Variants in RBPJ observed in about 807,000 individuals in gnomAD.
The protein encoded by RBPJ is recombination signal binding protein for immunoglobulin kappa J region.
In RBPJ, 9 loss-of-function variants were observed where a neutral mutation model predicts 67.8. The observed-to-expected ratio is 0.13, with a 90% confidence interval of 0.08 to 0.23. The LOEUF (loss-of-function observed/expected upper bound fraction) is 0.23. RBPJ is among the 10% of genes least tolerant of loss of function. The pLI, the probability that RBPJ is intolerant of heterozygous loss-of-function variation, is 1.00. For synonymous variants in RBPJ, 198 were observed against 203.3 expected, an observed-to-expected ratio of 0.97 and a Z score of 0.22; for missense variants, 305 against 595.6, an observed-to-expected ratio of 0.51 and a Z score of 5.08.
Position 26,190,522 on chromosome 4 carries a change from T to C in RBPJ, c.-167+26908T>C, listed in dbSNP as rs1717442249. Among the ~76,000 whole-genome samples, 4 of 152,098 alleles carry C rather than the reference T, an allele frequency of 2.6e-5. No homozygotes were observed. In the South Asian group the frequency reaches 8.3e-4, roughly 32 times the overall value. ...ATAGGTGAGGGCATCTGCCTTCCCT[T>C]TATACAGTGAGAGAAAGGAAAAGGA... On this transcript the variant is annotated intron_variant, in intron 1 of 4. Transcript: ENST00000512351.
chr4:26,415,381 A>T (rs886665386), intron 3 of RBPJ, 94 bp from the exon 4 acceptor site: 30 of 1,111,740 alleles, frequency 2.7e-5, no homozygotes, highest in Non-Finnish European at 3.2e-5. Flanking sequence ...TTTCAATATG[A>T]TTTTGTATTC....
At chr4:26,388,762 C>G (rs571824432) in intron 2 of RBPJ, among the ~76,000 whole-genome samples, 1 of 151,858 alleles carries the variant, frequency 6.6e-6, no homozygotes, top group Non-Finnish European at 1.5e-5. Context: ...ATGAAGCACA[C>G]AAAGAAAAAG....
At chr4:26,216,069 C>G (rs1718715348) in intron 1 of RBPJ, among the ~76,000 whole-genome samples, 1 of 152,158 alleles carries the variant, frequency 6.6e-6, no homozygotes, top group Non-Finnish European at 1.5e-5. Flanking sequence ...CTCTTAGCTT[C>G]TAGTGGCTCC....
At chr4:26,236,648 A>G (rs1719462180) in intron 1 of RBPJ, among the ~76,000 whole-genome samples, 1 of 152,180 alleles carries the variant, frequency 6.6e-6, no homozygotes, top group Non-Finnish European at 1.5e-5. Flanking sequence ...AAGCTCAATG[A>G]CTTTATTCCT....
intron 1 of RBPJ, among the ~76,000 whole-genome samples, chr4:26,219,224 C>T (rs1280179031): frequency 6.6e-6 from 1 of 152,188 alleles, no homozygotes; most frequent in Non-Finnish European, 1.5e-5. Flanking sequence ...CCAGAGGAAG[C>T]TCTGCCCACC....
upstream of RBPJ, among the ~76,000 whole-genome samples, chr4:26,318,738 C>A (rs1336810386): frequency 6.6e-6 from 1 of 152,066 alleles, no homozygotes; most frequent in Admixed American, 6.6e-5. Context: ...GTGGCTCACA[C>A]GTGTAATCCC....
intron 1 of RBPJ, chr4:26,362,562 C>A: frequency 6.2e-7 from 1 of 1,611,256 alleles, no homozygotes; most frequent in African/African-American, 1.3e-5. Flanking sequence ...TTTTGAGGTG[C>A]ATCGAAGTGT....
intron 1 of RBPJ, among the ~76,000 whole-genome samples, chr4:26,237,257 G>A (rs1719481997): frequency 6.6e-6 from 1 of 152,004 alleles, no homozygotes; most frequent in Non-Finnish European, 1.5e-5. Flanking sequence ...ATTCTTATCT[G>A]TGTGTGCTGT....
At chr4:26,224,028 T>C (rs888056155) in intron 1 of RBPJ, among the ~76,000 whole-genome samples, 2 of 152,190 alleles carry the variant, frequency 1.3e-5, no homozygotes, top group Non-Finnish European at 2.9e-5. Flanking sequence ...GCTAAGATAA[T>C]AGAGAGAGTT....
rs534375478 is a variant in RBPJ, at chr4:26,272,353, G to A, written c.-166-90093G>A. Among the ~76,000 whole-genome samples the A allele has an allele frequency of 2.2e-4, 34 of 152,254 alleles. 1 individual carries two copies. Among genetic ancestry groups the A allele is most frequent in the African/African-American group, 7.5e-4 (31 of 41,550 alleles). The stretch of plus-strand genomic sequence containing the variant: ...GATCAAGGCAAGAGGATCACTTTAG[G>A]CTGGGAGTTGGAGACCAGCCTGGGC... On this transcript the variant is annotated intron_variant, in intron 1 of 4. Coordinates refer to the RBPJ transcript ENST00000512351.
chr4:26,261,273 G>GA (rs1260234285), intron 1 of RBPJ, among the ~76,000 whole-genome samples: 1 of 151,690 alleles, frequency 6.6e-6, no homozygotes, highest in East Asian at 1.9e-4. Flanking sequence ...GAAGGAATAG[G>GA]AAGAAAAGAG....
chr4:26,320,955 C>T (rs997501255), upstream of RBPJ: 22 of 1,436,932 alleles, frequency 1.5e-5, no homozygotes, highest in African/African-American at 2.5e-4. Flanking sequence ...AGGGAAGGGG[C>T]GGGGGAGAGG....
chr4:26,306,338 C>A (rs79964719), intron 1 of RBPJ, among the ~76,000 whole-genome samples: 1,908 of 152,052 alleles, frequency 0.013, 21 homozygotes, highest in Non-Finnish European at 0.017. Flanking sequence ...AGTTCCCTTC[C>A]ATTTCTAGTT....
chr4:26,320,828 G>C, upstream of RBPJ: 1 of 1,561,274 alleles, frequency 6.4e-7, no homozygotes, highest in Non-Finnish European at 8.7e-7. Flanking sequence ...AGGTTTCCAG[G>C]GAAGGCAGCG....
At chr4:26,283,790 G>T (rs1422740259) in intron 1 of RBPJ, among the ~76,000 whole-genome samples, 2 of 151,966 alleles carry the variant, frequency 1.3e-5, no homozygotes, top group African/African-American at 2.4e-5. Flanking sequence ...AGGACTACAG[G>T]CATGTGTCAC....
chr4:26,402,534 A>T (rs972766014), intron 2 of RBPJ, among the ~76,000 whole-genome samples: 6 of 152,116 alleles, frequency 3.9e-5, no homozygotes, highest in African/African-American at 1.4e-4. Flanking sequence ...ACTCCTGCTT[A>T]TGTCCTTCCC....
chr4:26,272,716 C>G (rs1362714074), intron 1 of RBPJ: 2 of 454,142 alleles, frequency 4.4e-6, no homozygotes, highest in Non-Finnish European at 8.9e-6. Flanking sequence ...ATAGGGCTTA[C>G]TTTTCTCTGT....
intron 3 of RBPJ, among the ~76,000 whole-genome samples, chr4:26,413,257 A>G (rs1262395762): frequency 1.3e-5 from 2 of 152,132 alleles, no homozygotes; most frequent in African/African-American, 4.8e-5. Context: ...CTCTTGCCCC[A>G]GGTGTCCACA....
chr4:26,401,729 A>C lies in RBPJ; in HGVS notation c.60-4446A>C, dbSNP rs150317856. Among the ~76,000 whole-genome samples, 248 of 152,332 alleles carry C rather than the reference A, an allele frequency of 1.6e-3. 1 individual carries two copies. The highest frequency in any genetic ancestry group is 5.7e-3 in the African/African-American group (239 of 41,572). ...GCTAAATGATGTAATAGAGACTACA[A>C]ATACAAATAGAATTTAGTATCCGGA... On this transcript the variant is annotated intron_variant, in intron 2 of 10. Transcript: ENST00000355476.
Sources: allele counts gnomAD v4.1 joint callset (sites outside exome capture counted in the v4.1 genomes callset), GRCh38; gene constraint gnomAD v4.1.1; transcripts MANE v1.5; gene names NCBI Gene and HGNC (gene_info 2026-07-23, HGNC 2026-07-21).